The following NPR2 variants were observed in gnomAD, a reference collection of about 807,000 sequenced individuals.
NPR2 encodes the protein atrial natriuretic peptide receptor 2.
A neutral mutation model predicts 120.7 loss-of-function variants in NPR2; 49 were observed. That is an observed-to-expected ratio of 0.41 (90% CI 0.32 to 0.52). The LOEUF (loss-of-function observed/expected upper bound fraction) is 0.52. Ranked by LOEUF, NPR2 falls within the 20% of genes least tolerant of loss-of-function variation. The pLI, the probability that NPR2 is intolerant of heterozygous loss-of-function variation, is 0.36. For synonymous variants in NPR2, 484 were observed against 519.8 expected, an observed-to-expected ratio of 0.93 and a Z score of 0.94; for missense variants, 931 against 1,362.9, an observed-to-expected ratio of 0.68 and a Z score of 4.99.
Position 35,806,711 on chromosome 9 carries a change from C to T in NPR2, c.2519+173C>T, listed in dbSNP as rs1050679736. Among the ~76,000 whole-genome samples the T allele has an allele frequency of 6.6e-6, 1 of 152,194 alleles. No individual in the cohort carries two copies. The highest frequency in any genetic ancestry group is 1.9e-4 in the East Asian group (1 of 5,194). On this transcript the variant is annotated intron_variant, in intron 16 of 21. Transcript: ENST00000342694. This position sits in a 1 kb window ranked among gnomAD's most constrained non-coding sequence, Gnocchi z 4.6. The stretch of plus-strand genomic sequence containing the variant: ...TTCTGTCTCCACATCAGCTATGCTG[C>T]CTTCTTACTGGCTGCCCATCCCTTC...
At position 35,802,104 on chromosome 9, in the gene NPR2, T is replaced by G; in HGVS notation, c.1633-102T>G. 7.5e-7 allele frequency: 1 copy of G among 1,332,372 alleles called. No homozygotes were observed. Among genetic ancestry groups the G allele is most frequent in the African/African-American group, 1.4e-5 (1 of 69,316 alleles). 82.5% of individuals were successfully genotyped at this position (1,332,372 alleles called of 1,614,324 possible). ...TCTGTCCCTCATACCCGACTCTCTG[T>G]GCCCAGCTGAGCTCCTGGGTGCTTC... is the stretch of plus-strand genomic sequence containing the variant. On this transcript the variant is annotated intron_variant, in intron 9 of 21. Transcript: ENST00000342694. The surrounding 1 kb of genome is among the most constrained non-coding windows in gnomAD (Gnocchi z 4.2).
rs1461872898 is a variant in NPR2, at chr9:35,802,262, G to T, written c.1689G>T (p.Gln563His). 1 of 1,602,028 alleles carries T rather than the reference G, an allele frequency of 6.2e-7. No homozygotes were observed. ...VNKKRIELTR[Q>H]VLFELKHMRD... is the part of the protein sequence containing the mutation. Reference sequence around the variant, plus strand: ...AGAAGCGCATTGAGCTGACCCGGCAGGTTCTGTTTGAACTCAAACATGTAT... The same window carrying T: ...AGAAGCGCATTGAGCTGACCCGGCATGTTCTGTTTGAACTCAAACATGTAT... Residue 563 changes from glutamine (Q) to histidine (H), a missense_variant, in exon 10 of 22, where the codon CAG becomes CAT. Gln to His is a conservative substitution (Grantham distance 24). Around this residue, in one of 3 missense-constraint regions of NPR2, gnomAD observed 681 missense variants for 974.3 expected, o/e 0.70. Transcript: ENST00000342694. This position sits in a 1 kb window ranked among gnomAD's most constrained non-coding sequence, Gnocchi z 4.2.
Position 35,802,099 on chromosome 9 carries a change from C to A in NPR2, c.1632+99C>A. 1 of 1,347,248 alleles carries A rather than the reference C, an allele frequency of 7.4e-7. No individual in the cohort carries two copies. Among genetic ancestry groups the A allele is most frequent in the Non-Finnish European group, 1.1e-6 (1 of 936,866 alleles). The allele number at this position is 1,347,248 out of a possible 1,614,324, so 83.5% of individuals were successfully genotyped here. A position where few individuals can be genotyped will look rare whatever the true frequency, so the allele number is the denominator to read the frequency against. ...GAACCTCTGTCCCTCATACCCGACTCTCTGTGCCCAGCTGAGCTCCTGGGT... is the reference window on the plus strand; with the variant it reads ...GAACCTCTGTCCCTCATACCCGACTATCTGTGCCCAGCTGAGCTCCTGGGT... On this transcript the variant is annotated intron_variant, in intron 9 of 21. Coordinates refer to ENST00000342694, the MANE Select transcript of NPR2 (RefSeq NM_003995.4). The surrounding 1 kb of genome is among the most constrained non-coding windows in gnomAD (Gnocchi z 4.2).
chr9:35,808,729 C>T lies in NPR2; in HGVS notation c.2888-26C>T, dbSNP rs374360673. ...AGCCCTAGTCTCCACCTTTCCCAGA[C>T]TCTCCCAACCTGTTTCTTCTCAAAG... On this transcript the variant is annotated intron_variant, in intron 19 of 21. Coordinates refer to ENST00000342694, the MANE Select transcript of NPR2 (RefSeq NM_003995.4). This position sits in a 1 kb window ranked among gnomAD's most constrained non-coding sequence, Gnocchi z 4.0. 2 of 1,611,736 alleles carry T rather than the reference C, an allele frequency of 1.2e-6. No homozygotes were observed. The highest frequency in any genetic ancestry group is 1.3e-5 in the African/African-American group (1 of 75,006).
intron 2 of NPR2, among the ~76,000 whole-genome samples, chr9:35,794,360 T>C (rs1248643147): frequency 2.0e-5 from 3 of 152,216 alleles, no homozygotes; most frequent in Non-Finnish European, 2.9e-5. Flanking sequence ...GTGCCAGTAG[T>C]AGGCTATATT....
Position 35,808,074 on chromosome 9 carries a change from T to C in NPR2, c.2713-435T>C. 1.2e-6 allele frequency: 1 copy of C among 853,018 alleles called. No individual in the cohort carries two copies. The highest frequency in any genetic ancestry group is 1.4e-5 in the South Asian group (1 of 69,272). 52.8% of individuals were successfully genotyped at this position (853,018 alleles called of 1,614,324 possible). A position where few individuals can be genotyped will look rare whatever the true frequency, so the allele number is the denominator to read the frequency against. ...CTTAAAACAATGGCATTTATTCTCT[T>C]ACATAGCTTTGGCACAATTACCAAA... On this transcript the variant is annotated intron_variant, in intron 18 of 21. Transcript: ENST00000342694. This position sits in a 1 kb window ranked among gnomAD's most constrained non-coding sequence, Gnocchi z 4.0.
In NPR2 at chr9:35,805,613, G is replaced by A. The variant is rs759649545; in HGVS notation, c.1990G>A (p.Gly664Ser). The change falls in exon 13 of 22, where the codon GGC becomes AGC. Residue 664 changes from glycine (G) to serine (S), a missense_variant. By Grantham distance (56) the Gly-to-Ser change is moderately conservative. Around this residue, in one of 3 missense-constraint regions of NPR2, gnomAD observed 681 missense variants for 974.3 expected, o/e 0.70. Coordinates refer to ENST00000342694, the MANE Select transcript of NPR2 (RefSeq NM_003995.4). This position sits in a 1 kb window ranked among gnomAD's most constrained non-coding sequence, Gnocchi z 4.9. Reference protein sequence around the residue: ...SRFVLKITDYGLASFRSTAEP... With the variant: ...SRFVLKITDYSLASFRSTAEP... ...TTTTGTGCTCAAAATCACAGACTAT[G>A]GCCTGGCCAGCTTCCGATCAACTGC... 3 of 1,614,184 alleles carry A rather than the reference G, an allele frequency of 1.9e-6. No homozygotes were observed. The highest frequency in any genetic ancestry group is 2.5e-6 in the Non-Finnish European group (3 of 1,180,028).
Position 35,792,104 on chromosome 9 carries a change from T to C in NPR2, c.-305T>C. On this transcript the variant is annotated 5_prime_UTR_variant, in exon 1 of 22. Transcript: ENST00000342694. The stretch of plus-strand genomic sequence containing the variant: ...CTCAGCTTTAGATTTATCAGGCTTC[T>C]TCACCTCGCACTGTCCCCATCCTGG... 3.7e-6 allele frequency: 1 copy of C among 270,834 alleles called. No homozygotes were observed. Among genetic ancestry groups the C allele is most frequent in the South Asian group, 5.0e-5 (1 of 19,846 alleles). The allele number at this position is 270,834 out of a possible 1,614,324, so 16.8% of individuals were successfully genotyped here.
Position 35,793,087 on chromosome 9 carries a change from C to G in NPR2, c.667+12C>G. On this transcript the variant is annotated intron_variant, in intron 1 of 21. Transcript: ENST00000342694. ...GGCCAACGGGCGCAGTGAGTGTGGC[C>G]TGGGCTATTTTAGGGTCATGGGAGG... is the stretch of plus-strand genomic sequence containing the variant. 1 of 1,581,778 alleles carries G rather than the reference C, an allele frequency of 6.3e-7. No homozygotes were observed. The highest frequency in any genetic ancestry group is 2.2e-5 in the East Asian group (1 of 44,640).
At position 35,808,375 on chromosome 9, in the gene NPR2, C is replaced by T; in HGVS notation, c.2713-134C>T. 2 of 1,408,444 alleles carry T rather than the reference C, an allele frequency of 1.4e-6. No individual in the cohort carries two copies. Among genetic ancestry groups the T allele is most frequent in the Non-Finnish European group, 2.0e-6 (2 of 999,116 alleles). 87.2% of individuals were successfully genotyped at this position (1,408,444 alleles called of 1,614,324 possible). On this transcript the variant is annotated intron_variant, in intron 18 of 21. Coordinates refer to ENST00000342694, the MANE Select transcript of NPR2 (RefSeq NM_003995.4). This position sits in a 1 kb window ranked among gnomAD's most constrained non-coding sequence, Gnocchi z 4.0. ...CTCCCCTAGACTCAGGACCATGGCA[C>T]TTATTTTCTAGTCAATATTCTGGTC...
chr9:35,803,811 A>AT (rs1235843074), intron 12 of NPR2, among the ~76,000 whole-genome samples: 4 of 152,330 alleles, frequency 2.6e-5, no homozygotes, highest in African/African-American at 7.2e-5. Context: ...TTTAAAAAGT[A>AT]TTTTTTTGTG....
Position 35,808,327 on chromosome 9 carries a change from T to TAA in NPR2, c.2713-180_2713-179dup, listed in dbSNP as rs760138033. ...AGGTGCTGGGTGGAGAAAGAAGACT[T>TAA]AAAGATTCCCTAGACATCTCCTCTC... On this transcript the variant is annotated intron_variant, in intron 18 of 21. Coordinates refer to ENST00000342694, the MANE Select transcript of NPR2 (RefSeq NM_003995.4). The surrounding 1 kb of genome is among the most constrained non-coding windows in gnomAD (Gnocchi z 4.0). The TAA allele has an allele frequency of 6.4e-7, 1 of 1,565,034 alleles. No individual in the cohort carries two copies. The highest frequency in any genetic ancestry group is 1.7e-5 in the Admixed American group (1 of 59,706).
Position 35,791,864 on chromosome 9 carries a change from G to A in NPR2, c.-545G>A, listed in dbSNP as rs1827791155. Among the ~76,000 whole-genome samples, 1 of 151,934 alleles carries A rather than the reference G, an allele frequency of 6.6e-6. No individual in the cohort carries two copies. Among genetic ancestry groups the A allele is most frequent in the Non-Finnish European group, 1.5e-5 (1 of 67,898 alleles). On this transcript the variant is annotated 5_prime_UTR_variant, in exon 1 of 22. Transcript: ENST00000342694. ...GGGAGATTTACCCCTGCCTTCCCCTGCCCTCCGGCCCAGGCCTCGCTTCGC... is the reference window on the plus strand; with the variant it reads ...GGGAGATTTACCCCTGCCTTCCCCTACCCTCCGGCCCAGGCCTCGCTTCGC...
In NPR2 at chr9:35,792,212, T is replaced by A; in HGVS notation, c.-197T>A. 7.6e-6 allele frequency: 3 copies of A among 392,338 alleles called. No homozygotes were observed. Among genetic ancestry groups the A allele is most frequent in the Non-Finnish European group, 1.4e-5 (3 of 218,930 alleles). 24.3% of individuals were successfully genotyped at this position (392,338 alleles called of 1,614,324 possible). ...TTGCCCTAGGCTGGTAGCCCACTCCTTGCCCGCCCCCCGCCTTCCTCCCAT... is the reference window on the plus strand; with the variant it reads ...TTGCCCTAGGCTGGTAGCCCACTCCATGCCCGCCCCCCGCCTTCCTCCCAT... On this transcript the variant is annotated 5_prime_UTR_variant, in exon 1 of 22. In the 5' UTR this introduces an upstream ATG that the reference lacks. Transcript: ENST00000342694.
rs1563988922 is a variant in NPR2 at position 35,802,685 on chromosome 9, T to C, written c.1816-47T>C. The C allele has an allele frequency of 6.6e-7, 1 of 1,510,470 alleles. No individual in the cohort carries two copies. The allele number at this position is 1,510,470 out of a possible 1,614,324, so 93.6% of individuals were successfully genotyped here. A position where few individuals can be genotyped will look rare whatever the true frequency, so the allele number is the denominator to read the frequency against. ...GTTATACTGACTCTATGCTGGGTGA[T>C]AGCTGGTGGGACCAGGACAGACAGT... On this transcript the variant is annotated intron_variant, in intron 11 of 21. Coordinates refer to ENST00000342694, the MANE Select transcript of NPR2 (RefSeq NM_003995.4). The surrounding 1 kb of genome is among the most constrained non-coding windows in gnomAD (Gnocchi z 4.2).
Position 35,809,229 on chromosome 9 carries a change from G to A in NPR2, c.3060G>A (p.Arg1020=), listed in dbSNP as rs1828612558. The A allele has an allele frequency of 6.2e-7, 1 of 1,614,074 alleles. No individual in the cohort carries two copies. The highest frequency in any genetic ancestry group is 8.5e-7 in the Non-Finnish European group (1 of 1,180,010). Residue 1020 remains arginine (R), a synonymous_variant, in exon 21 of 22, where the codon CGG becomes CGA. Transcript: ENST00000342694. The surrounding 1 kb of genome is among the most constrained non-coding windows in gnomAD (Gnocchi z 4.1). ...TAGGATGCTTCCAGCTAGAGCTTCG[G>A]GGGGATGTGGAAATGAAGGTGATGG... is the stretch of plus-strand genomic sequence containing the variant. ...DELGCFQLEL[R]GDVEMKGKGK...
chr9:35,799,573 C>G, intron 2 of NPR2, 45 bp from the exon 3 acceptor site: 1 of 1,353,762 alleles, frequency 7.4e-7, no homozygotes, highest in Non-Finnish European at 1.1e-6. Context: ...CCCATAATGC[C>G]TATCTTGAAT....
rs1281891201 is a variant in NPR2, at chr9:35,809,612, TAC to T, written c.*169_*170del. 1 of 1,180,322 alleles carries T rather than the reference TAC, an allele frequency of 8.5e-7. No homozygotes were observed. The highest frequency in any genetic ancestry group is 1.3e-6 in the Non-Finnish European group (1 of 792,112). 73.1% of individuals were successfully genotyped at this position (1,180,322 alleles called of 1,614,324 possible). Reference sequence around the variant, plus strand: ...TGTAGCCCTCTGCAGCTCAGCCCTGTACATATACCTGTCCCTCTCTGGCTTGG... The same window carrying T: ...TGTAGCCCTCTGCAGCTCAGCCCTGTATATACCTGTCCCTCTCTGGCTTGG... On this transcript the variant is annotated 3_prime_UTR_variant, in exon 22 of 22. Transcript: ENST00000342694. The surrounding 1 kb of genome is among the most constrained non-coding windows in gnomAD (Gnocchi z 4.1).
chr9:35,806,383 T>A lies in NPR2; in HGVS notation c.2373-9T>A. On this transcript the variant is annotated splice_polypyrimidine_tract_variant and intron_variant, in intron 15 of 21. Transcript: ENST00000342694. This position sits in a 1 kb window ranked among gnomAD's most constrained non-coding sequence, Gnocchi z 4.6. ...TTAGAGCAAGTGCCTTATCCTGGCC[T>A]CCCTCTAGGGAGGGTGGCACCAGCA... 6.2e-7 allele frequency: 1 copy of A among 1,612,420 alleles called. No homozygotes were observed. The highest frequency in any genetic ancestry group is 8.5e-7 in the Non-Finnish European group (1 of 1,178,512).
Sources: gnomAD v4.1 joint callset for allele counts (sites outside exome capture counted in the v4.1 genomes callset) on GRCh38, gnomAD v4.1.1 for gene constraint, gnomAD v4.1.1 regional missense constraint, Gnocchi (gnomAD v3.1) non-coding constraint, MANE v1.5 for transcripts, NCBI Gene and HGNC (gene_info 2026-07-23, HGNC 2026-07-21) for gene names.